TEX36: variants seen among roughly 807,000 people sequenced by gnomAD.
The protein encoded by TEX36 is testis-expressed protein 36.
A neutral mutation model predicts 13.6 loss-of-function variants in TEX36; 12 were observed. The ratio of observed to expected loss-of-function variants is 0.88; its 90% CI spans 0.56 to 1.43. The LOEUF is 1.43. TEX36 is among the 40% of genes most tolerant of loss of function. The pLI, the probability that TEX36 is intolerant of heterozygous loss-of-function variation, is 0.00. For missense variants in TEX36, 224 were observed against 228.3 expected, an observed-to-expected ratio of 0.98 and a Z score of 0.12; for synonymous variants, 93 against 83.0, an observed-to-expected ratio of 1.12 and a Z score of -0.65.
At chr10:125,618,263 G>A (rs566793508), downstream of TEX36, among the ~76,000 whole-genome samples, 64 of 152,170 alleles carry the variant, frequency 4.2e-4, no homozygotes, top group East Asian at 9.7e-4. Flanking sequence ...TAATTTGATC[G>A]TCTGAAGCCT....
chr10:125,600,903 A>G lies in TEX36; in HGVS notation c.265-24029T>C, dbSNP rs578233099. Among the ~76,000 whole-genome samples the G allele has an allele frequency of 3.6e-4, 55 of 152,336 alleles. 1 individual carries two copies. Among genetic ancestry groups the G allele is most frequent in the Non-Finnish European group, 7.1e-4 (48 of 68,036 alleles). ...CGCGGCCCATTTCTATCTGGATCCT[A>G]CCTGGAACTGCACTAATCCCAATAG... On this transcript the variant is annotated intron_variant, in intron 3 of 3. Transcript: ENST00000532135.
chr10:125,617,448 C>T (rs297234), downstream of TEX36, among the ~76,000 whole-genome samples: 907 of 152,230 alleles, frequency 6.0e-3, 10 homozygotes, highest in African/African-American at 0.02. Flanking sequence ...CCATGCTTAG[C>T]GCTTCCTTCA....
At chr10:125,642,959 G>T (rs549153384) in intron 3 of TEX36, among the ~76,000 whole-genome samples, 1 of 152,260 alleles carries the variant, frequency 6.6e-6, no homozygotes, top group Non-Finnish European at 1.5e-5. Context: ...GGATCAAATT[G>T]GGCACAGGTC....
chr10:125,626,435 C>A (rs947775834), intron 3 of TEX36, among the ~76,000 whole-genome samples: 2 of 152,246 alleles, frequency 1.3e-5, no homozygotes, highest in Admixed American at 6.5e-5. Flanking sequence ...GTTTACAGAG[C>A]ACTTTCATGC....
intron 3 of TEX36, among the ~76,000 whole-genome samples, chr10:125,643,515 G>A (rs578262186): frequency 1.3e-5 from 2 of 152,240 alleles, no homozygotes; most frequent in East Asian, 3.9e-4. Flanking sequence ...AGGCTGAGGA[G>A]GGCGGATCAC....
intron 3 of TEX36, among the ~76,000 whole-genome samples, chr10:125,640,750 A>G (rs1267981227): frequency 1.3e-4 from 20 of 152,138 alleles, no homozygotes; most frequent in Non-Finnish European, 1.5e-5. Flanking sequence ...GCTGGGCTGA[A>G]GGGGATCTTC....
intron 3 of TEX36, among the ~76,000 whole-genome samples, chr10:125,645,174 T>C (rs1475094767): frequency 6.6e-6 from 1 of 152,178 alleles, no homozygotes; most frequent in Non-Finnish European, 1.5e-5. Flanking sequence ...TGTTAAATGG[T>C]GTTGTTATAA....
intron 3 of TEX36, among the ~76,000 whole-genome samples, chr10:125,585,501 G>A (rs1289789926): frequency 6.6e-6 from 1 of 152,152 alleles, no homozygotes; most frequent in African/African-American, 2.4e-5. Flanking sequence ...CTCCCCCAAG[G>A]TGGATCAAAG....
chr10:125,682,018 A>G (rs1847402825), intron 1 of TEX36, among the ~76,000 whole-genome samples: 1 of 152,126 alleles, frequency 6.6e-6, no homozygotes, highest in South Asian at 2.1e-4. Context: ...AATTTTAACA[A>G]TTTTTTACCT....
At chr10:125,667,893 C>A in intron 1 of TEX36, 1 of 1,502,018 alleles carries the variant, frequency 6.7e-7, no homozygotes, top group Non-Finnish European at 9.2e-7. Flanking sequence ...ATGCGGTGAG[C>A]GATGTCAGAC....
In TEX36 at chr10:125,661,043, T is replaced by C. The variant is rs201751585; in HGVS notation, c.242A>G (p.Asn81Ser). 20 of 1,551,354 alleles carry C rather than the reference T, an allele frequency of 1.3e-5. No homozygotes were observed. Among genetic ancestry groups the C allele is most frequent in the Middle Eastern group, 1.7e-4 (1 of 6,012 alleles). The part of the protein sequence containing the change: ...SVHDNRHSLE[N>S]SGCYLDSGLG... ...CACGGAGTCAAGGTAGCATCCAGAG[T>C]TCTCCAAGCTGTGCCGATTGTCATG... The change falls in exon 3 of 4, where the codon AAC becomes AGC. Residue 81 changes from asparagine (N) to serine (S), a missense_variant. Transcript: ENST00000368821.
Position 125,655,929 on chromosome 10 carries a change from T to G in TEX36, c.532A>C (p.Lys178Gln), listed in dbSNP as rs1846932754. The change falls in exon 4 of 4, where the codon AAA (lysine) becomes CAA (glutamine). Residue 178 changes from lysine to glutamine, a missense_variant. Lys to Gln is a moderately conservative substitution (Grantham distance 53). Transcript: ENST00000368821. ...KKPKVRFTVDKKVVSSLES is the reference protein window; with the variant it reads ...KKPKVRFTVDQKVVSSLES ...GACTCCAGTGAAGAAACAACCTTTT[T>G]GTCAACAGTGAACCTTACTTTGGGC... The G allele has an allele frequency of 6.5e-7, 1 of 1,534,462 alleles. No homozygotes were observed. The highest frequency in any genetic ancestry group is 1.4e-5 in the African/African-American group (1 of 72,138).
intron 3 of TEX36, among the ~76,000 whole-genome samples, chr10:125,628,402 G>A (rs1846512667): frequency 6.6e-6 from 1 of 152,230 alleles, no homozygotes; most frequent in Admixed American, 6.5e-5. Flanking sequence ...GCTGTGCAAA[G>A]TCTTCCTGGA....
chr10:125,602,180 G>A (rs1846157549), intron 3 of TEX36, among the ~76,000 whole-genome samples: 1 of 152,188 alleles, frequency 6.6e-6, no homozygotes, highest in Admixed American at 6.5e-5. Flanking sequence ...GGGCTCAACT[G>A]TGACTTAGTG....
At chr10:125,645,222 A>T (rs1335738509) in intron 3 of TEX36, among the ~76,000 whole-genome samples, 1 of 152,202 alleles carries the variant, frequency 6.6e-6, no homozygotes, top group Non-Finnish European at 1.5e-5. Context: ...ACAGTACTAT[A>T]GTTTTAATAT....
intron 1 of TEX36, among the ~76,000 whole-genome samples, chr10:125,675,917 G>T (rs1356747129): frequency 6.6e-6 from 1 of 152,170 alleles, no homozygotes; most frequent in African/African-American, 2.4e-5. Context: ...CTATGTATTT[G>T]CATAGTTTCC....
intron 1 of TEX36, among the ~76,000 whole-genome samples, chr10:125,668,392 G>A (rs190258012): frequency 5.3e-5 from 8 of 151,672 alleles, no homozygotes; most frequent in Non-Finnish European, 7.4e-5. Flanking sequence ...ATTCAATCTT[G>A]GTAGGTTGTA....
At chr10:125,602,353 A>C (rs927956) in intron 3 of TEX36, among the ~76,000 whole-genome samples, 1 of 152,070 alleles carries the variant, frequency 6.6e-6, no homozygotes, top group Non-Finnish European at 1.5e-5. Flanking sequence ...AGCGCTTTTC[A>C]TCTATTAAAA....
At chr10:125,667,283 T>A (rs1184252968) in intron 1 of TEX36, 4 of 630,356 alleles carry the variant, frequency 6.3e-6, no homozygotes, top group South Asian at 1.5e-5. Flanking sequence ...CCCTCCAAGA[T>A]AGATGTGTTG....
Sources: gnomAD v4.1 joint callset for allele counts (sites outside exome capture counted in the v4.1 genomes callset) on GRCh38, gnomAD v4.1.1 for gene constraint, MANE v1.5 for transcripts, NCBI Gene and HGNC (gene_info 2026-07-23, HGNC 2026-07-21) for gene names.